Variants in PRH1 observed in about 807,000 individuals in gnomAD.
PRH1 encodes the protein proline rich protein HaeIII subfamily 1.
In PRH1, 7 loss-of-function variants were observed where a neutral mutation model predicts 7.9. The observed-to-expected ratio is 0.89, with a 90% CI of 0.50 to 1.67. The LOEUF is 1.67. Among genes scored for constraint, PRH1 ranks in the 40% most tolerant of loss-of-function variants. The pLI, the probability that PRH1 is intolerant of heterozygous loss-of-function variation, is 0.00. For synonymous variants in PRH1, 45 were observed against 80.8 expected (o/e 0.56, Z 2.38); for missense variants, 109 against 223.6 (o/e 0.49, Z 3.27).
chr12:11,033,415 C>A (rs1361432017), intron 1 of PRH1, among the ~76,000 whole-genome samples: 1 of 148,868 alleles, frequency 6.7e-6, no homozygotes, highest in African/African-American at 2.6e-5. Flanking sequence ...AAACCAACAT[C>A]AAACGACATG....
At chr12:11,102,739 G>A (rs1347859315) in intron 1 of PRH1, among the ~76,000 whole-genome samples, 4 of 152,004 alleles carry the variant, frequency 2.6e-5, no homozygotes, top group Non-Finnish European at 2.9e-5. Context: ...AGAAACTACT[G>A]TCACAGTGAA....
chr12:11,151,614 G>T (rs1034045009), intron 1 of PRH1, among the ~76,000 whole-genome samples: 1 of 151,864 alleles, frequency 6.6e-6, no homozygotes, highest in African/African-American at 2.4e-5. Context: ...TGCTTCCATG[G>T]TAATGCAGGC....
intron 1 of PRH1, among the ~76,000 whole-genome samples, chr12:10,991,959 G>A (rs1257625429): frequency 2.0e-5 from 3 of 152,156 alleles, no homozygotes; most frequent in African/African-American, 7.2e-5. Flanking sequence ...GACAGTAACA[G>A]CCTCATTTAA....
chr12:11,106,888 A>G (rs930684659), intron 1 of PRH1, among the ~76,000 whole-genome samples: 2 of 152,228 alleles, frequency 1.3e-5, no homozygotes, highest in Non-Finnish European at 2.9e-5. Flanking sequence ...GAGTTAGTAT[A>G]CTAGTTGTAT....
chr12:11,133,241 G>GT (rs1565687845), intron 1 of PRH1: 1 of 1,544,392 alleles, frequency 6.5e-7, no homozygotes, highest in Non-Finnish European at 8.7e-7. Context: ...AGAAAACCCA[G>GT]TAAGAAATAT....
intron 2 of PRH1, among the ~76,000 whole-genome samples, chr12:10,920,199 A>T: frequency 6.6e-6 from 1 of 151,668 alleles, no homozygotes; most frequent in South Asian, 2.1e-4. Context: ...AATAATTTAA[A>T]TAAGTCTTGC....
intron 2 of PRH1, among the ~76,000 whole-genome samples, chr12:10,928,629 A>T (rs182102445): frequency 1.6e-3 from 250 of 152,270 alleles, no homozygotes; most frequent in Non-Finnish European, 2.9e-3. Flanking sequence ...GAGTTTGGAA[A>T]TTTCCTGTAG....
Position 11,039,822 on chromosome 12 carries a change from C to T in PRH1, c.-126+7198G>A, listed in dbSNP as rs576953979. Among the ~76,000 whole-genome samples the T allele has an allele frequency of 3.9e-5, 6 of 152,342 alleles. No individual in the cohort carries two copies. The South Asian group carries it at 1.2e-3, about 32-fold the overall frequency. Reference sequence around the variant, plus strand: ...AAGCTCATTCATACAAACACATTCACAAACATACACACATACATACATACT... The same window carrying T: ...AAGCTCATTCATACAAACACATTCATAAACATACACACATACATACATACT... On this transcript the variant is annotated intron_variant, in intron 1 of 3. Transcript: ENST00000539853.
chr12:10,959,215 G>A (rs1166001112), intron 2 of PRH1, among the ~76,000 whole-genome samples: 1 of 152,136 alleles, frequency 6.6e-6, no homozygotes, highest in Non-Finnish European at 1.5e-5. Context: ...ATTAGCAGAA[G>A]AGGGAAAGAC....
chr12:11,030,047 A>G (rs983918291), intron 1 of PRH1, among the ~76,000 whole-genome samples: 3 of 152,184 alleles, frequency 2.0e-5, no homozygotes, highest in Admixed American at 1.3e-4. Flanking sequence ...TTACTTCTTA[A>G]TAATTATAAA....
At chr12:11,086,081 C>T (rs1227615963) in intron 1 of PRH1, among the ~76,000 whole-genome samples, 9 of 98,608 alleles carry the variant, frequency 9.1e-5, no homozygotes, top group Non-Finnish European at 2.1e-4. Flanking sequence ...TTATTGTTAA[C>T]AAGCTCATTA....
At chr12:11,149,303 T>G (rs1356564161) in intron 1 of PRH1, among the ~76,000 whole-genome samples, 2 of 152,190 alleles carry the variant, frequency 1.3e-5, no homozygotes, top group African/African-American at 4.8e-5. Flanking sequence ...CTGCTCTGAT[T>G]TTAGTTATTT....
intron 1 of PRH1, chr12:10,997,555 C>A (rs1295250133): frequency 1.9e-6 from 3 of 1,613,976 alleles, no homozygotes; most frequent in Non-Finnish European, 1.7e-6. Context: ...CGATCTTGAG[C>A]AAATAAAATA....
intron 2 of PRH1, chr12:10,973,359 T>G (rs999798915): frequency 4.0e-6 from 1 of 253,040 alleles, no homozygotes; most frequent in Non-Finnish European, 7.4e-6. Flanking sequence ...TTCTTTTCAG[T>G]TTTGATAATA....
At chr12:11,028,906 T>A (rs1013433623) in intron 1 of PRH1, among the ~76,000 whole-genome samples, 1 of 152,272 alleles carries the variant, frequency 6.6e-6, no homozygotes, top group African/African-American at 2.4e-5. Context: ...ACAGGGGAAT[T>A]CATGCAACTG....
chr12:11,064,452 C>T (rs1042909554), intron 1 of PRH1, among the ~76,000 whole-genome samples: 6 of 151,856 alleles, frequency 4.0e-5, no homozygotes, highest in Non-Finnish European at 5.9e-5. Flanking sequence ...TGAACAGTTA[C>T]GAATAATTCT....
chr12:10,958,599 T>C (rs1938091193), intron 2 of PRH1, among the ~76,000 whole-genome samples: 1 of 152,060 alleles, frequency 6.6e-6, no homozygotes, highest in Non-Finnish European at 1.5e-5. Context: ...GAAATGAGAT[T>C]TATCTTTAAA....
At chr12:11,164,031 C>T (rs78371458) in intron 1 of PRH1, among the ~76,000 whole-genome samples, 356 of 152,284 alleles carry the variant, frequency 2.3e-3, no homozygotes, top group Non-Finnish European at 4.5e-3. Flanking sequence ...CTAGGAATCA[C>T]CCACTTTGAG....
intron 1 of PRH1, among the ~76,000 whole-genome samples, chr12:11,155,186 T>C (rs146237460): frequency 6.6e-6 from 1 of 152,220 alleles, no homozygotes; most frequent in East Asian, 1.9e-4. Flanking sequence ...TACATGCAAA[T>C]AGGAGAAAAA....
Sources: gnomAD v4.1 joint callset for allele counts (sites outside exome capture counted in the v4.1 genomes callset) on GRCh38, gnomAD v4.1.1 for gene constraint, MANE v1.5 for transcripts, NCBI Gene and HGNC (gene_info 2026-07-23, HGNC 2026-07-21) for gene names.